NAA16: variants seen among roughly 807,000 people sequenced by gnomAD.
The protein encoded by NAA16 is NARG1-like protein.
In NAA16, 97 loss-of-function variants were observed where a neutral mutation model predicts 110.3. The observed-to-expected ratio is 0.88, with a 90% CI of 0.75 to 1.04. NAA16 has a LOEUF of 1.04. Among genes scored for constraint, NAA16 ranks in the 50% least tolerant of loss-of-function variants. NAA16 has a pLI of 0.00. For missense variants in NAA16, 1,017 were observed against 1,005.1 expected, an observed-to-expected ratio of 1.01 and a Z score of -0.16; for synonymous variants, 372 against 330.6, an observed-to-expected ratio of 1.13 and a Z score of -1.36.
chr13:41,336,027 AT>A (rs1827305578), intron 8 of NAA16, among the ~76,000 whole-genome samples: 2 of 152,164 alleles, frequency 1.3e-5, no homozygotes, highest in Non-Finnish European at 2.9e-5. Flanking sequence ...CAATGAAAGA[AT>A]TATTGACTTG....
At position 41,328,753 on chromosome 13, in the gene NAA16, A is replaced by G; in HGVS notation, c.721A>G (p.Lys241Glu). ...GEILLKLGRLKEASEVFKNLI... is the reference protein window; with the variant it reads ...GEILLKLGRLEEASEVFKNLI... Reference sequence around the variant, plus strand: ...AATACTGTTGAAATTGGGAAGATTAAAAGAAGCCAGTGAAGTGTTCAAAAA... The same window carrying G: ...AATACTGTTGAAATTGGGAAGATTAGAAGAAGCCAGTGAAGTGTTCAAAAA... Residue 241 changes from lysine to glutamate, a missense_variant, in exon 7 of 20, where the codon AAA becomes GAA. Physicochemically the swap from Lys to Glu is moderately conservative, Grantham distance 56 (BLOSUM62 1). Transcript: ENST00000379406. 6.2e-7 allele frequency: 1 copy of G among 1,608,486 alleles called. No homozygotes were observed. Among genetic ancestry groups the G allele is most frequent in the South Asian group, 1.1e-5 (1 of 90,598 alleles).
chr13:41,327,747 T>TTTTTTTTTTTTTTTTTTTTTTTTTTGAG (rs2042130456), intron 6 of NAA16: 1 of 150,910 alleles, frequency 6.6e-6, no homozygotes, highest in African/African-American at 2.5e-5. Context: ...TTTAAAGTTT[T>TTTTTTTTTTTTTTTTTTTTTTTTTTGAG]AAGTAGCAGA....
intron 11 of NAA16, 50 bp downstream of exon 11, chr13:41,358,523 AAGAATC>A (rs764418762): frequency 6.2e-7 from 1 of 1,601,634 alleles, no homozygotes; most frequent in East Asian, 2.2e-5. Flanking sequence ...CAGCTACTTT[AAGAATC>A]CTTGGAGTTT....
At position 41,362,073 on chromosome 13, in the gene NAA16, A is replaced by G; in HGVS notation, c.1453A>G (p.Met485Val). Residue 485 changes from methionine (M) to valine (V), a missense_variant, in exon 13 of 20, where the codon ATG (methionine) becomes GTG (valine). Physicochemically the swap from Met to Val is conservative, Grantham distance 21. Transcript: ENST00000379406. The stretch of plus-strand genomic sequence containing the variant: ...GGAAAATCTAAATGAAATGCAGTGT[A>G]TGTGGTTTCAGACAGAATGCATTTC... Reference protein sequence around the residue: ...AMENLNEMQCMWFQTECISAY... With the variant: ...AMENLNEMQCVWFQTECISAY... The G allele has an allele frequency of 6.2e-7, 1 of 1,611,694 alleles. No homozygotes were observed. The highest frequency in any genetic ancestry group is 1.3e-5 in the African/African-American group (1 of 74,886).
intron 13 of NAA16, chr13:41,362,811 G>C (rs917802379): frequency 4.7e-6 from 6 of 1,289,496 alleles, no homozygotes; most frequent in Non-Finnish European, 6.1e-6. Flanking sequence ...CCTCAGTTGT[G>C]GGGGCAATCG....
At chr13:41,350,677 A>G (rs2042813727) in intron 9 of NAA16, among the ~76,000 whole-genome samples, 1 of 146,182 alleles carries the variant, frequency 6.8e-6, no homozygotes, top group African/African-American at 2.6e-5. Flanking sequence ...CTGGAGCACA[A>G]TGGCGCAATC....
chr13:41,375,717 A>T lies in NAA16; in HGVS notation c.*115A>T. 1.3e-6 allele frequency: 1 copy of T among 763,718 alleles called. No homozygotes were observed. 47.3% of individuals were successfully genotyped at this position (763,718 alleles called of 1,614,324 possible). A position where few individuals can be genotyped will look rare whatever the true frequency, so the allele number is the denominator to read the frequency against. The stretch of plus-strand genomic sequence containing the variant: ...TGAAATATTTGGTTAGGATTTTTAA[A>T]TGGCATATTCTGTAAGCTTATTTTG... On this transcript the variant is annotated 3_prime_UTR_variant, in exon 20 of 20. Transcript: ENST00000379406.
At chr13:41,350,607 G>GT (rs1294602444) in intron 9 of NAA16, among the ~76,000 whole-genome samples, 32 of 26,028 alleles carry the variant, frequency 1.2e-3, no homozygotes, top group Non-Finnish European at 2.0e-3. Context: ...GTTTTTTTTT[G>GT]TTTTTTTTTT....
intron 13 of NAA16, 144 bp from the exon 14 acceptor site, chr13:41,367,295 A>T (rs1352405680): frequency 7.2e-6 from 4 of 553,202 alleles, no homozygotes; most frequent in Non-Finnish European, 9.4e-6. Flanking sequence ...CATATCCTTT[A>T]TAGTGTAAAA....
chr13:41,362,778 C>A (rs1374578872), intron 13 of NAA16: 2 of 1,289,692 alleles, frequency 1.6e-6, no homozygotes, highest in Non-Finnish European at 2.0e-6. Flanking sequence ...CGCAAATGCA[C>A]CCCTGAGGCA....
At chr13:41,375,173 T>C (rs566801833) in intron 19 of NAA16, among the ~76,000 whole-genome samples, 1 of 152,230 alleles carries the variant, frequency 6.6e-6, no homozygotes, top group Non-Finnish European at 1.5e-5. Flanking sequence ...TTTTTAGTGA[T>C]CACAGTTTTA....
chr13:41,367,791 A>T, intron 14 of NAA16, 139 bp downstream of exon 14: 1 of 559,280 alleles, frequency 1.8e-6, no homozygotes. Flanking sequence ...TATGCCAAAA[A>T]ACAAAAATGT....
At chr13:41,374,000 A>G (rs2043376885) in intron 18 of NAA16, 6 of 563,716 alleles carry the variant, frequency 1.1e-5, no homozygotes, top group Non-Finnish European at 1.5e-5. Context: ...AGGGTTTGTG[A>G]TAACGGGCAA....
At chr13:41,354,095 C>A (rs919028438) in intron 9 of NAA16, among the ~76,000 whole-genome samples, 2 of 151,994 alleles carry the variant, frequency 1.3e-5, no homozygotes, top group Non-Finnish European at 2.9e-5. Context: ...TACACATGTT[C>A]CTTACTGTTA....
intron 7 of NAA16, among the ~76,000 whole-genome samples, chr13:41,329,646 T>C (rs1391468091): frequency 6.6e-6 from 1 of 151,776 alleles, no homozygotes; most frequent in Admixed American, 6.6e-5. Context: ...GGTGTTCTTT[T>C]TATGTTTAAA....
intron 9 of NAA16, among the ~76,000 whole-genome samples, chr13:41,351,928 A>G (rs2042846533): frequency 6.6e-6 from 1 of 152,236 alleles, no homozygotes; most frequent in African/African-American, 2.4e-5. Flanking sequence ...ATTACACACT[A>G]CCTAATTAAA....
At position 41,311,304 on chromosome 13, in the gene NAA16, A is replaced by G. The variant is rs2041545042; in HGVS notation, c.-225A>G. The G allele has an allele frequency of 3.7e-6, 2 of 544,066 alleles. No homozygotes were observed. The highest frequency in any genetic ancestry group is 6.4e-6 in the Non-Finnish European group (2 of 311,940). The allele number at this position is 544,066 out of a possible 1,614,324, so 33.7% of individuals were successfully genotyped here. A position where few individuals can be genotyped will look rare whatever the true frequency, so the allele number is the denominator to read the frequency against. ...AACCGCCGCCGCCGCCGCTGGCCAA[A>G]AAGCGGAGCCCAGGGGAAGCGTGTC... On this transcript the variant is annotated 5_prime_UTR_variant, in exon 1 of 20. Transcript: ENST00000379406.
At chr13:41,313,189 T>A (rs1220320941) in intron 1 of NAA16, among the ~76,000 whole-genome samples, 1 of 152,114 alleles carries the variant, frequency 6.6e-6, no homozygotes, top group Non-Finnish European at 1.5e-5. Flanking sequence ...AAGGTAGGGT[T>A]TATCCCCAAA....
chr13:41,367,332 T>G, intron 13 of NAA16, 107 bp from the exon 14 acceptor site: 1 of 723,058 alleles, frequency 1.4e-6, no homozygotes, highest in Non-Finnish European at 2.2e-6. Flanking sequence ...TAAGTGAAAA[T>G]TGTGACTGTT....
Sources: gnomAD v4.1 joint callset for allele counts (sites outside exome capture counted in the v4.1 genomes callset) on GRCh38, gnomAD v4.1.1 for gene constraint, MANE v1.5 for transcripts, NCBI Gene and HGNC (gene_info 2026-07-23, HGNC 2026-07-21) for gene names.